The following MACROD2 variants were observed in gnomAD, a reference collection of about 807,000 sequenced individuals.
MACROD2 encodes the protein ADP-ribose glycohydrolase MACROD2.
MACROD2 carries 36 observed loss-of-function variants against 70.4 expected under a neutral mutation model. The ratio of observed to expected loss-of-function variants is 0.51; its 90% CI spans 0.39 to 0.68. The LOEUF is 0.68. Among genes scored for constraint, MACROD2 ranks in the 30% least tolerant of loss-of-function variants. MACROD2 has a pLI of 0.00. For synonymous variants in MACROD2, 172 were observed against 178.8 expected (o/e 0.96, Z 0.30); for missense variants, 496 against 538.4 (o/e 0.92, Z 0.78).
At chr20:15,148,483 T>G (rs2145856972) in intron 5 of MACROD2, among the ~76,000 whole-genome samples, 2 of 152,166 alleles carry the variant, frequency 1.3e-5, no homozygotes, top group Middle Eastern at 6.8e-3. Context: ...GGTTTGGGGA[T>G]AGCATCAGGA....
At chr20:14,385,075 T>C (rs975946563) in intron 3 of MACROD2, among the ~76,000 whole-genome samples, 3 of 152,042 alleles carry the variant, frequency 2.0e-5, no homozygotes, top group Admixed American at 6.6e-5. Flanking sequence ...AGCCATCAAA[T>C]TGGGGACAAG....
chr20:15,569,860 T>C (rs1276408117), intron 8 of MACROD2, among the ~76,000 whole-genome samples: 2 of 152,144 alleles, frequency 1.3e-5, no homozygotes, highest in African/African-American at 4.8e-5. Context: ...TGTATATATA[T>C]ACCACATTTT....
chr20:14,275,175 C>T (rs1377177961), intron 3 of MACROD2, among the ~76,000 whole-genome samples: 3 of 152,112 alleles, frequency 2.0e-5, no homozygotes, highest in African/African-American at 4.8e-5. Flanking sequence ...ATCGCCAAGT[C>T]AATCCTAAGC....
At chr20:14,771,857 T>TTGTA (rs1475281680) in intron 5 of MACROD2, among the ~76,000 whole-genome samples, 1 of 151,984 alleles carries the variant, frequency 6.6e-6, no homozygotes, top group Admixed American at 6.6e-5. Context: ...TTTTTCTTTT[T>TTGTA]TGTATGTAAC....
intron 3 of MACROD2, among the ~76,000 whole-genome samples, chr20:14,148,252 T>G (rs941770766): frequency 1.3e-5 from 2 of 152,212 alleles, no homozygotes; most frequent in Admixed American, 1.3e-4. Context: ...CCTGGCTTAG[T>G]GCTTGGCATG....
intron 6 of MACROD2, among the ~76,000 whole-genome samples, chr20:15,268,360 A>C (rs2077315336): frequency 1.3e-5 from 2 of 152,202 alleles, no homozygotes; most frequent in Non-Finnish European, 2.9e-5. Flanking sequence ...TTTATTTAAA[A>C]ATAGATTGAG....
intron 8 of MACROD2, among the ~76,000 whole-genome samples, chr20:15,838,622 G>A (rs1372180995): frequency 6.6e-6 from 1 of 152,166 alleles, no homozygotes; most frequent in Non-Finnish European, 1.5e-5. Context: ...ATTGACCAGT[G>A]TTGCTACATC....
chr20:14,414,392 A>G (rs1047189969), intron 3 of MACROD2, among the ~76,000 whole-genome samples: 2 of 152,056 alleles, frequency 1.3e-5, no homozygotes, highest in Non-Finnish European at 2.9e-5. Context: ...TGGCCTAAAA[A>G]TATATCCAGA....
intron 5 of MACROD2, chr20:14,894,543 A>C (rs1172435275): frequency 6.6e-6 from 1 of 152,130 alleles, no homozygotes; most frequent in Non-Finnish European, 1.5e-5. Context: ...CTTTTATATG[A>C]AGAAAATCCA....
chr20:15,997,031 C>T (rs991693522), intron 15 of MACROD2, among the ~76,000 whole-genome samples: 8 of 151,964 alleles, frequency 5.3e-5, no homozygotes, highest in South Asian at 4.2e-4. Context: ...GGTTTATTTC[C>T]GGGATTCTCA....
At chr20:15,904,017 A>G (rs1187729626) in intron 10 of MACROD2, among the ~76,000 whole-genome samples, 1 of 152,232 alleles carries the variant, frequency 6.6e-6, no homozygotes, top group African/African-American at 2.4e-5. Context: ...CTGAATCCAG[A>G]ATAGAAGTTG....
chr20:15,578,557 G>A (rs1365619616), intron 8 of MACROD2, among the ~76,000 whole-genome samples: 4 of 21,788 alleles, frequency 1.8e-4, no homozygotes, highest in Non-Finnish European at 1.2e-3. Flanking sequence ...ATATGCCAGA[G>A]ACTATGCACA....
chr20:14,513,255 A>T (rs2085050904), intron 4 of MACROD2, among the ~76,000 whole-genome samples: 1 of 152,122 alleles, frequency 6.6e-6, no homozygotes, highest in Non-Finnish European at 1.5e-5. Context: ...CTTCTCAGTT[A>T]CTGTATGAAA....
intron 3 of MACROD2, among the ~76,000 whole-genome samples, chr20:14,129,699 C>T (rs34950533): frequency 0.14 from 22,038 of 152,120 alleles, 1,708 homozygotes; most frequent in East Asian, 0.23. Flanking sequence ...GAGATTACCA[C>T]AGCAAAACCA....
At chr20:14,898,763 G>C (rs1256258196) in intron 5 of MACROD2, among the ~76,000 whole-genome samples, 1 of 152,032 alleles carries the variant, frequency 6.6e-6, no homozygotes, top group Non-Finnish European at 1.5e-5. Context: ...AACGTTCTAA[G>C]CAGAAACCTT....
rs141405367 is a variant in MACROD2 at position 14,797,615 on chromosome 20, A to C, written c.418+112656A>C. Reference sequence around the variant, plus strand: ...CTACTCAAATGACATTTCCTCATGAAGTCTTCCCCAAGCCCCGGGTTCAGC... The same window carrying C: ...CTACTCAAATGACATTTCCTCATGACGTCTTCCCCAAGCCCCGGGTTCAGC... On this transcript the variant is annotated intron_variant, in intron 5 of 17. Coordinates refer to ENST00000684519, the MANE Select transcript of MACROD2 (RefSeq NM_001351661.2). Among the ~76,000 whole-genome samples the C allele has an allele frequency of 6.4e-3, 980 of 152,160 alleles. 18 individuals are homozygous for C. The highest frequency in any genetic ancestry group is 0.023 in the African/African-American group (948 of 41,476).
intron 15 of MACROD2, among the ~76,000 whole-genome samples, chr20:16,040,010 T>A: frequency 6.6e-6 from 1 of 151,932 alleles, no homozygotes. Context: ...CTCATAATTC[T>A]CTCCCCAGTG....
At chr20:15,293,320 T>G (rs1194249832) in intron 6 of MACROD2, among the ~76,000 whole-genome samples, 1 of 152,254 alleles carries the variant, frequency 6.6e-6, no homozygotes, top group African/African-American at 2.4e-5. Context: ...CACACTGCCA[T>G]ATCTTTGAAT....
At chr20:14,679,774 T>C (rs2070908719) in intron 4 of MACROD2, among the ~76,000 whole-genome samples, 1 of 152,114 alleles carries the variant, frequency 6.6e-6, no homozygotes, top group Non-Finnish European at 1.5e-5. Context: ...AGCTCTGAAA[T>C]AATAGGAGAT....
Sources: gnomAD v4.1 joint callset for allele counts (sites outside exome capture counted in the v4.1 genomes callset) on GRCh38, gnomAD v4.1.1 for gene constraint, MANE v1.5 for transcripts, NCBI Gene and HGNC (gene_info 2026-07-23, HGNC 2026-07-21) for gene names.